KPTN: variants seen among roughly 807,000 people sequenced by gnomAD.
KPTN encodes KICSTOR complex protein kaptin.
A neutral mutation model predicts 52.6 loss-of-function variants in KPTN; 36 were observed. The ratio of observed to expected loss-of-function variants is 0.68; its 90% CI spans 0.52 to 0.90. KPTN has a LOEUF of 0.90. Among genes scored for constraint, KPTN ranks in the 40% least tolerant of loss-of-function variants. The probability of loss-of-function intolerance (pLI) is 0.00; values close to 1 mark genes in which losing one functional copy is unlikely to be tolerated. For synonymous variants in KPTN, 271 were observed against 248.4 expected, an observed-to-expected ratio of 1.09 and a Z score of -0.85; for missense variants, 529 against 576.2, an observed-to-expected ratio of 0.92 and a Z score of 0.84.
At chr19:47,477,669 A>G in intron 9 of KPTN, 37 bp downstream of exon 9, 1 of 1,504,366 alleles carries the variant, frequency 6.6e-7, no homozygotes, top group Non-Finnish European at 9.3e-7. Context: ...CAAAGAAAGA[A>G]GGTTAGACCA....
chr19:47,477,668 A>C, intron 9 of KPTN, 38 bp downstream of exon 9: 3 of 1,498,116 alleles, frequency 2.0e-6, no homozygotes, highest in Non-Finnish European at 2.8e-6. Context: ...GCAAAGAAAG[A>C]AGGTTAGACC....
Position 47,480,295 on chromosome 19 carries a change from C to T in KPTN, c.709+3G>A. Reference sequence around the variant, plus strand: ...CCTTACCCCGCCTCACCGCGGCCCTCACCTCGACTCCGCTGGTCCACGTGG... The same window carrying T: ...CCTTACCCCGCCTCACCGCGGCCCTTACCTCGACTCCGCTGGTCCACGTGG... On this transcript the variant is annotated splice_donor_region_variant and intron_variant, in intron 7 of 11. Transcript: ENST00000338134. The T allele has an allele frequency of 6.5e-7, 1 of 1,544,274 alleles. No homozygotes were observed. The highest frequency in any genetic ancestry group is 8.8e-7 in the Non-Finnish European group (1 of 1,142,384).
chr19:47,480,064 A>ACCCCGC, intron 7 of KPTN, 124 bp from the exon 8 acceptor site: 1 of 454,442 alleles, frequency 2.2e-6, no homozygotes, highest in African/African-American at 4.0e-5. Flanking sequence ...GAAGCCCTCA[A>ACCCCGC]CCCCACCCTA....
chr19:47,480,697 CCG>C (rs1273720324), intron 6 of KPTN, 61 bp downstream of exon 6: 1 of 1,480,530 alleles, frequency 6.8e-7, no homozygotes, highest in Non-Finnish European at 9.4e-7. Flanking sequence ...TAAGGTCTCA[CCG>C]CCCGATTTCT....
At chr19:47,483,639 C>A in intron 1 of KPTN, 55 bp from the exon 2 acceptor site, 1 of 1,315,344 alleles carries the variant, frequency 7.6e-7, no homozygotes, top group African/African-American at 1.5e-5. Flanking sequence ...TTCCAATCTC[C>A]CCAACATGGT....
chr19:47,477,023 C>T lies in KPTN; in HGVS notation c.864-85G>A, dbSNP rs1462328352. ...GCGGATGCTAAGCTGGGTACCGGTA[C>T]TGCTTCCCTTCTCAGGCCTAGACAC... On this transcript the variant is annotated intron_variant, in intron 9 of 11. Transcript: ENST00000338134. The T allele has an allele frequency of 3.6e-6, 5 of 1,393,166 alleles. No individual in the cohort carries two copies. The East Asian group carries it at 1.3e-4, about 35-fold the overall frequency. 86.3% of individuals were successfully genotyped at this position (1,393,166 alleles called of 1,614,324 possible). A position where few individuals can be genotyped will look rare whatever the true frequency, so the allele number is the denominator to read the frequency against.
At position 47,479,290 on chromosome 19, in the gene KPTN, G is replaced by A. The variant is rs548314504; in HGVS notation, c.787+573C>T. 3.3e-5 allele frequency among the ~76,000 whole-genome samples: 5 copies of A among 152,214 alleles called. 1 individual carries two copies. Among genetic ancestry groups the A allele is most frequent in the South Asian group, 4.1e-4 (2 of 4,836 alleles). On this transcript the variant is annotated intron_variant, in intron 8 of 11. Transcript: ENST00000338134. ...ACTCCCGACCTCAGGTGATCCGTCC[G>A]CTTCGGCCTCCCAAAGTGCTGGGAT...
At chr19:47,484,704 CTATTTT>C (rs1968018789), upstream of KPTN, among the ~76,000 whole-genome samples, 1 of 145,598 alleles carries the variant, frequency 6.9e-6, no homozygotes, top group Non-Finnish European at 1.5e-5. Context: ...CCACAGTTCA[CTATTTT>C]TTTTTTTTTT....
In KPTN at chr19:47,476,706, C is replaced by T. The variant is rs1489116032; in HGVS notation, c.1008G>A (p.Leu336=). Residue 336 remains leucine, a synonymous_variant, in exon 11 of 12, where the codon CTG becomes CTA. Transcript: ENST00000338134. ...ACTCTGGGCCCCGGTACTTATAACA[C>T]AGCAGTTCCTGCGGGGGTGAAGAAT... The part of the protein sequence containing the change: ...VLVATYGQEL[L]CYKYRGPESG... 2 of 1,611,700 alleles carry T rather than the reference C, an allele frequency of 1.2e-6. No individual in the cohort carries two copies. Among genetic ancestry groups the T allele is most frequent in the South Asian group, 1.1e-5 (1 of 90,688 alleles).
chr19:47,483,437 G>A, intron 2 of KPTN, 58 bp from the exon 3 acceptor site: 2 of 1,595,620 alleles, frequency 1.3e-6, no homozygotes, highest in Middle Eastern at 1.7e-4. Context: ...ATCCGGGGCG[G>A]CTCAGTGGAA....
chr19:47,480,359 G>A lies in KPTN; in HGVS notation c.648C>T (p.Leu216=). ...AACCACTCTGACAGCCCAGAGCTGA[G>A]AGGCGCCGGGACGTGCCGGGGAAGT... The part of the protein sequence containing the change: ...VHNFPGTSRR[L]SALGCQSGYV... Residue 216 remains leucine (L), a synonymous_variant, in exon 7 of 12, where the codon CTC becomes CTT. Transcript: ENST00000338134. 2 of 1,549,722 alleles carry A rather than the reference G, an allele frequency of 1.3e-6. No homozygotes were observed. Among genetic ancestry groups the A allele is most frequent in the East Asian group, 4.9e-5 (2 of 40,818 alleles).
intron 4 of KPTN, 47 bp from the exon 5 acceptor site, chr19:47,481,080 T>C: frequency 1.4e-6 from 2 of 1,467,488 alleles, no homozygotes; most frequent in Non-Finnish European, 1.9e-6. Context: ...ATCCACATGG[T>C]CTGAGAACCA....
At chr19:47,476,764 G>A (rs1457076284) in intron 10 of KPTN, 39 bp downstream of exon 10, 1 of 1,602,160 alleles carries the variant, frequency 6.2e-7, no homozygotes, top group South Asian at 1.1e-5. Flanking sequence ...GGACAGTGGA[G>A]GGAGGCCGGT....
rs1375513952 is a variant in KPTN, at chr19:47,483,495, T to C, written c.309+7A>G. On this transcript the variant is annotated splice_region_variant and intron_variant, in intron 2 of 11. Coordinates refer to ENST00000338134, the MANE Select transcript of KPTN (RefSeq NM_007059.4). ...GGGCGAAGGGAGGTGGAGGGGGCTC[T>C]AGGTACCTTGATGAACGTGATCCCC... The C allele has an allele frequency of 6.3e-7, 1 of 1,598,722 alleles. No individual in the cohort carries two copies. The highest frequency in any genetic ancestry group is 1.8e-5 in the Admixed American group (1 of 56,730).
rs1272184926 is a variant in KPTN, at chr19:47,483,200, A to G, written c.410T>C (p.Leu137Pro). 1 of 1,614,058 alleles carries G rather than the reference A, an allele frequency of 6.2e-7. No individual in the cohort carries two copies. The highest frequency in any genetic ancestry group is 2.2e-5 in the East Asian group (1 of 44,880). The change falls in exon 4 of 12, where the codon CTG becomes CCG. Residue 137 changes from leucine to proline, a missense_variant. By Grantham distance (98) the Leu-to-Pro change is moderately conservative. Transcript: ENST00000338134. ...LDSIAQSCLN[L>P]ELQFTPFQLC... ...CTGGAACGGAGTGAACTGGAGCTCC[A>G]GGTTCAGGCAGCTCTCTGTAGGCAG...
At position 47,476,992 on chromosome 19, in the gene KPTN, C is replaced by T. The variant is rs756834357; in HGVS notation, c.864-54G>A. On this transcript the variant is annotated intron_variant, in intron 9 of 11. Coordinates refer to ENST00000338134, the MANE Select transcript of KPTN (RefSeq NM_007059.4). ...TGGGGTCAGCTTGCAGTGCCCAGCA[C>T]CCTTGGCGGATGCTAAGCTGGGTAC... 166 of 1,527,560 alleles carry T rather than the reference C, an allele frequency of 1.1e-4. 1 individual carries two copies. In the South Asian group the frequency reaches 1.9e-3, roughly 18 times the overall value. The allele number at this position is 1,527,560 out of a possible 1,614,324, so 94.6% of individuals were successfully genotyped here. A position where few individuals can be genotyped will look rare whatever the true frequency, so the allele number is the denominator to read the frequency against.
chr19:47,476,778 T>A (rs1481311444), intron 10 of KPTN, 25 bp downstream of exon 10: 1 of 1,597,328 alleles, frequency 6.3e-7, no homozygotes, highest in Admixed American at 1.8e-5. Flanking sequence ...GGCCGGTGGG[T>A]GTGGCTCCAA....
At chr19:47,479,980 C>A in intron 7 of KPTN, 40 bp from the exon 8 acceptor site, 5 of 1,521,984 alleles carry the variant, frequency 3.3e-6, no homozygotes, top group Non-Finnish European at 3.6e-6. Context: ...AACCCCACCC[C>A]GGTCCCGCCC....
At chr19:47,483,080 C>A in intron 4 of KPTN, 81 bp downstream of exon 4, 1 of 1,327,786 alleles carries the variant, frequency 7.5e-7, no homozygotes, top group South Asian at 1.2e-5. Flanking sequence ...CTACAGGGGT[C>A]TGTAAGTAAA....
Sources: gnomAD v4.1 joint callset for allele counts (sites outside exome capture counted in the v4.1 genomes callset) on GRCh38, gnomAD v4.1.1 for gene constraint, MANE v1.5 for transcripts, NCBI Gene and HGNC (gene_info 2026-07-23, HGNC 2026-07-21) for gene names.